The following TTC7A variants were observed in gnomAD, a reference collection of about 807,000 sequenced individuals.
The protein encoded by TTC7A is tetratricopeptide repeat protein 7A.
In TTC7A, 110 loss-of-function variants were observed where a neutral mutation model predicts 103.7. The ratio of observed to expected loss-of-function variants is 1.06; its 90% CI spans 0.91 to 1.24. The LOEUF (loss-of-function observed/expected upper bound fraction) is 1.24, where lower values mean the gene tolerates loss of function less well. Among genes scored for constraint, TTC7A ranks in the 50% most tolerant of loss-of-function variants. The pLI, the probability that TTC7A is intolerant of heterozygous loss-of-function variation, is 0.00. For missense variants in TTC7A, 1,340 were observed against 1,116.3 expected, an observed-to-expected ratio of 1.20 and a Z score of -2.86; for synonymous variants, 521 against 467.9, an observed-to-expected ratio of 1.11 and a Z score of -1.47.
chr2:47,029,074 G>A (rs1277418565), intron 14 of TTC7A, 150 bp from the exon 15 acceptor site: 2 of 805,380 alleles, frequency 2.5e-6, no homozygotes, highest in Non-Finnish European at 2.0e-6. Flanking sequence ...GCCATCTGGG[G>A]CAGGTGTTTT....
intron 7 of TTC7A, 70 bp from the exon 8 acceptor site, chr2:46,995,066 G>C: frequency 6.8e-7 from 1 of 1,481,036 alleles, no homozygotes; most frequent in Non-Finnish European, 9.4e-7. Flanking sequence ...CAGAAGGCTG[G>C]CATGGTGGGT....
At chr2:47,025,805 C>T (rs1315481142) in intron 14 of TTC7A, among the ~76,000 whole-genome samples, 1 of 152,214 alleles carries the variant, frequency 6.6e-6, no homozygotes, top group Non-Finnish European at 1.5e-5. Context: ...GGCTGCGCCC[C>T]CACCCTGTCC....
In TTC7A at chr2:47,073,992, G is replaced by C. The variant is rs559880566; in HGVS notation, c.*69G>C. 3 of 1,320,920 alleles carry C rather than the reference G, an allele frequency of 2.3e-6. 1 individual carries two copies. The highest frequency in any genetic ancestry group is 5.2e-4 in the Middle Eastern group (2 of 3,858). 81.8% of individuals were successfully genotyped at this position (1,320,920 alleles called of 1,614,324 possible). On this transcript the variant is annotated 3_prime_UTR_variant, in exon 20 of 20. Coordinates refer to ENST00000319190, the MANE Select transcript of TTC7A (RefSeq NM_020458.4). ...GGCAGCAGGGAACGTGGGTCAGGGT[G>C]GGGCAACAGTGGCATCAGGTGCGGG...
chr2:47,027,516 C>G (rs955219515), intron 14 of TTC7A, among the ~76,000 whole-genome samples: 7 of 152,238 alleles, frequency 4.6e-5, no homozygotes, highest in Admixed American at 1.3e-4. Flanking sequence ...CTCTTTGAAC[C>G]CTTCTGTGGA....
chr2:47,020,228 A>G (rs1281695006), intron 11 of TTC7A, among the ~76,000 whole-genome samples: 1 of 152,196 alleles, frequency 6.6e-6, no homozygotes, highest in Non-Finnish European at 1.5e-5. Flanking sequence ...TGAGCCCCAC[A>G]GCTGTCAGGT....
chr2:46,991,222 A>G (rs947127377), intron 5 of TTC7A, among the ~76,000 whole-genome samples: 4 of 151,916 alleles, frequency 2.6e-5, no homozygotes, highest in Admixed American at 6.5e-5. Context: ...GGCCCACCCC[A>G]GAGTTCTTAA....
intron 2 of TTC7A, among the ~76,000 whole-genome samples, chr2:46,920,622 T>C (rs1388591256): frequency 6.6e-6 from 1 of 151,200 alleles, no homozygotes; most frequent in Non-Finnish European, 1.5e-5. Context: ...TGAACCACCA[T>C]GCCTGGCCTT....
At chr2:46,997,409 G>C (rs1406944431) in intron 8 of TTC7A, among the ~76,000 whole-genome samples, 1 of 152,124 alleles carries the variant, frequency 6.6e-6, no homozygotes, top group Non-Finnish European at 1.5e-5. Flanking sequence ...AGCTGATTAG[G>C]TGCGCATTAT....
At chr2:47,035,733 G>A (rs776391466) in intron 15 of TTC7A, 1 of 152,396 alleles carries the variant, frequency 6.6e-6, no homozygotes, top group Non-Finnish European at 1.5e-5. Flanking sequence ...TGCTTTCTCT[G>A]CTTGCGGCAG....
intron 2 of TTC7A, among the ~76,000 whole-genome samples, chr2:46,933,912 G>A (rs1669836361): frequency 6.6e-6 from 1 of 152,292 alleles, no homozygotes; most frequent in Non-Finnish European, 1.5e-5. Flanking sequence ...CACATGGTAA[G>A]TATGAAAGAA....
At chr2:46,923,747 T>C (rs1323946296) in intron 2 of TTC7A, among the ~76,000 whole-genome samples, 2 of 152,138 alleles carry the variant, frequency 1.3e-5, no homozygotes, top group South Asian at 4.2e-4. Flanking sequence ...TTTTTTTTTT[T>C]TGGAGACAAA....
At chr2:46,976,105 C>T (rs1673853026) in intron 4 of TTC7A, among the ~76,000 whole-genome samples, 2 of 152,212 alleles carry the variant, frequency 1.3e-5, no homozygotes, top group African/African-American at 4.8e-5. Context: ...AGGGGACAGG[C>T]AACTATATTC....
At chr2:46,945,063 C>CT (rs1368835253) in intron 1 of TTC7A, among the ~76,000 whole-genome samples, 1 of 152,136 alleles carries the variant, frequency 6.6e-6, no homozygotes, top group Non-Finnish European at 1.5e-5. Flanking sequence ...ACCTGTGTAC[C>CT]TATTAACCTT....
At chr2:46,924,181 G>A (rs1389081198) in intron 2 of TTC7A, among the ~76,000 whole-genome samples, 2 of 150,960 alleles carry the variant, frequency 1.3e-5, no homozygotes, top group East Asian at 1.9e-4. Flanking sequence ...TCCAGTCTGG[G>A]TGACAGAATG....
intron 5 of TTC7A, 109 bp from the exon 6 acceptor site, chr2:46,993,341 A>T: frequency 9.7e-7 from 1 of 1,026,968 alleles, no homozygotes; most frequent in Non-Finnish European, 1.5e-6. Context: ...GAATGTGTTC[A>T]AATAAAACTC....
chr2:47,052,773 C>T (rs1301116568), intron 18 of TTC7A, among the ~76,000 whole-genome samples: 1 of 152,138 alleles, frequency 6.6e-6, no homozygotes, highest in Non-Finnish European at 1.5e-5. Context: ...CCAACACAAC[C>T]CCTTGGCCTA....
chr2:46,929,973 G>T (rs1669605031), intron 2 of TTC7A, among the ~76,000 whole-genome samples: 1 of 152,206 alleles, frequency 6.6e-6, no homozygotes, highest in South Asian at 2.1e-4. Context: ...GCCCCAGAGT[G>T]AAGAAATATG....
intron 15 of TTC7A, among the ~76,000 whole-genome samples, chr2:47,043,078 T>C (rs1681938008): frequency 6.6e-6 from 1 of 152,204 alleles, no homozygotes; most frequent in African/African-American, 2.4e-5. Context: ...TCCGCCAGGC[T>C]TCCTGAAGAA....
chr2:46,941,499 T>G lies in TTC7A; in HGVS notation c.-43T>G. On this transcript the variant is annotated 5_prime_UTR_variant, in exon 1 of 20. Transcript: ENST00000319190. The surrounding 1 kb of genome is among the most constrained non-coding windows in gnomAD (Gnocchi z 4.2). The stretch of plus-strand genomic sequence containing the variant: ...CCAGGACGCCGCCCCCGGCCGGGTC[T>G]CCACTTCTTGGCCGCACCTTCCATG... 1 of 1,539,972 alleles carries G rather than the reference T, an allele frequency of 6.5e-7. No homozygotes were observed. The highest frequency in any genetic ancestry group is 8.8e-7 in the Non-Finnish European group (1 of 1,142,484).
Sources: allele counts gnomAD v4.1 joint callset (sites outside exome capture counted in the v4.1 genomes callset), GRCh38; gene constraint gnomAD v4.1.1; non-coding constraint Gnocchi (gnomAD v3.1); transcripts MANE v1.5; gene names NCBI Gene and HGNC (gene_info 2026-07-23, HGNC 2026-07-21).